SS18L1: variants seen among roughly 807,000 people sequenced by gnomAD.
SS18L1 encodes calcium-responsive transactivator.
Under a neutral mutation model 70.3 loss-of-function variants are expected in SS18L1, and 32 were observed. The observed-to-expected ratio is 0.46, with a 90% CI of 0.34 to 0.61. The LOEUF is 0.61. Ranked by LOEUF, SS18L1 falls within the 20% of genes least tolerant of loss-of-function variation. The pLI is 0.01. For synonymous variants in SS18L1, 237 were observed against 229.7 expected (o/e 1.03, Z -0.29); for missense variants, 430 against 542.1 (o/e 0.79, Z 2.05).
intron 1 of SS18L1, among the ~76,000 whole-genome samples, chr20:62,154,939 GC>G: frequency 6.6e-6 from 1 of 152,110 alleles, no homozygotes; most frequent in South Asian, 2.1e-4. Flanking sequence ...TTCATATCCC[GC>G]CCCTCTGTTG....
intron 6 of SS18L1, 116 bp downstream of exon 6, chr20:62,163,738 G>A (rs1375646370): frequency 7.3e-7 from 1 of 1,375,056 alleles, no homozygotes; most frequent in Non-Finnish European, 9.6e-7. Context: ...GAGCCTGGGG[G>A]AGTGAGGCTT....
At chr20:62,163,378 G>A (rs999628709) in intron 5 of SS18L1, 80 bp from the exon 6 acceptor site, 17 of 1,590,644 alleles carry the variant, frequency 1.1e-5, no homozygotes, top group Middle Eastern at 2.2e-4. Context: ...GAACCCGCCC[G>A]GGCGCAGGAG....
At position 62,179,264 on chromosome 20, in the gene SS18L1, T is replaced by G; in HGVS notation, c.*56T>G. Reference sequence around the variant, plus strand: ...GTAGCGTGTTCATCCAGGGGCCGGATGGGCTGGCGGCAGCTCTGGTGAATT... The same window carrying G: ...GTAGCGTGTTCATCCAGGGGCCGGAGGGGCTGGCGGCAGCTCTGGTGAATT... On this transcript the variant is annotated 3_prime_UTR_variant, in exon 11 of 11. Transcript: ENST00000331758. 6.2e-7 allele frequency: 1 copy of G among 1,605,224 alleles called. No homozygotes were observed. Among genetic ancestry groups the G allele is most frequent in the Non-Finnish European group, 8.5e-7 (1 of 1,172,042 alleles).
chr20:62,165,301 T>A, intron 7 of SS18L1, 121 bp from the exon 8 acceptor site: 1 of 934,020 alleles, frequency 1.1e-6, no homozygotes, highest in Non-Finnish European at 1.6e-6. Context: ...ACACGGGTCC[T>A]GCCGGCTCTT....
rs762643826 is a variant in SS18L1, at chr20:62,163,580, A to T, written c.679A>T (p.Met227Leu). Residue 227 changes from methionine (M) to leucine (L), a missense_variant, in exon 6 of 11, where the codon ATG becomes TTG. Physicochemically the swap from Met to Leu is conservative, Grantham distance 15. Transcript: ENST00000331758. ...GCAGGGCAGCCAGGGGAGCAGCATGATGGGGCAGCGGCCCATGGCGCCCTA... is the reference window on the plus strand; with the variant it reads ...GCAGGGCAGCCAGGGGAGCAGCATGTTGGGGCAGCGGCCCATGGCGCCCTA... Reference protein sequence around the residue: ...MGQGSQGSSMMGQRPMAPYRP... With the variant: ...MGQGSQGSSMLGQRPMAPYRP... 1 of 1,608,108 alleles carries T rather than the reference A, an allele frequency of 6.2e-7. No homozygotes were observed. Among genetic ancestry groups the T allele is most frequent in the African/African-American group, 1.3e-5 (1 of 74,856 alleles).
At chr20:62,160,036 A>G in intron 3 of SS18L1, 75 bp downstream of exon 3, 1 of 1,430,360 alleles carries the variant, frequency 7.0e-7, no homozygotes. Context: ...AATTGTGGGC[A>G]TGTCATCTCA....
intron 10 of SS18L1, chr20:62,175,032 C>CCAGACTGTG (rs1237923696): frequency 1.3e-6 from 1 of 754,954 alleles, no homozygotes; most frequent in Non-Finnish European, 1.6e-6. Context: ...TCCCACAGGG[C>CCAGACTGTG]CAGACTGTGC....
chr20:62,171,326 G>A (rs1047430214), intron 8 of SS18L1, among the ~76,000 whole-genome samples: 1 of 152,168 alleles, frequency 6.6e-6, no homozygotes, highest in Non-Finnish European at 1.5e-5. Flanking sequence ...TGGCTTTCAT[G>A]GGGGCAGGAG....
chr20:62,157,352 G>A (rs2057242404), intron 1 of SS18L1, among the ~76,000 whole-genome samples: 1 of 152,222 alleles, frequency 6.6e-6, no homozygotes, highest in Admixed American at 6.5e-5. Context: ...ACGTTCAGGA[G>A]GCGCTTTGGG....
At chr20:62,147,897 G>A (rs953005637) in intron 1 of SS18L1, among the ~76,000 whole-genome samples, 3 of 152,190 alleles carry the variant, frequency 2.0e-5, no homozygotes, top group African/African-American at 4.8e-5. Context: ...GATGGGCTGC[G>A]GAGGATGGGG....
At chr20:62,179,104 T>C (rs1345380605) in intron 10 of SS18L1, 78 bp from the exon 11 acceptor site, 4 of 1,525,534 alleles carry the variant, frequency 2.6e-6, no homozygotes. Context: ...TCCTACCCCC[T>C]GTCCGGGCTG....
chr20:62,161,316 A>AC lies in SS18L1; in HGVS notation c.232-118dup. The AC allele has an allele frequency of 1.4e-6, 2 of 1,399,794 alleles. No homozygotes were observed. The highest frequency in any genetic ancestry group is 3.6e-5 in the Admixed American group (2 of 56,190). The allele number at this position is 1,399,794 out of a possible 1,614,324, so 86.7% of individuals were successfully genotyped here. A position where few individuals can be genotyped will look rare whatever the true frequency, so the allele number is the denominator to read the frequency against. On this transcript the variant is annotated intron_variant, in intron 3 of 10. Coordinates refer to ENST00000331758, the MANE Select transcript of SS18L1 (RefSeq NM_198935.3). The surrounding 1 kb of genome is among the most constrained non-coding windows in gnomAD (Gnocchi z 4.4). ...CGATGGCTGCTGATTACGAACATTG[A>AC]CCAGGTGGCCATGATGTGTGGCGGC...
Position 62,159,198 on chromosome 20 carries a change from C to T in SS18L1, c.146+450C>T, listed in dbSNP as rs760702666. 6.6e-6 allele frequency among the ~76,000 whole-genome samples: 1 copy of T among 152,190 alleles called. No homozygotes were observed. Among genetic ancestry groups the T allele is most frequent in the African/African-American group, 2.4e-5 (1 of 41,434 alleles). On this transcript the variant is annotated intron_variant, in intron 2 of 10. Coordinates refer to ENST00000331758, the MANE Select transcript of SS18L1 (RefSeq NM_198935.3). This position sits in a 1 kb window ranked among gnomAD's most constrained non-coding sequence, Gnocchi z 4.4. ...AGCTCTGTGGCCAACAGCCAGCGCA[C>T]CAGGAGACAGCACCTACTCCAGGTG...
rs1447592575 is a variant in SS18L1, at chr20:62,174,476, G to A, written c.1037-41G>A. 1.9e-6 allele frequency: 3 copies of A among 1,559,430 alleles called. No individual in the cohort carries two copies. Among genetic ancestry groups the A allele is most frequent in the East Asian group, 2.3e-5 (1 of 44,138 alleles). On this transcript the variant is annotated intron_variant, in intron 9 of 10. Coordinates refer to ENST00000331758, the MANE Select transcript of SS18L1 (RefSeq NM_198935.3). This position sits in a 1 kb window ranked among gnomAD's most constrained non-coding sequence, Gnocchi z 4.1. ...AGTTAAGAAAAAAAAAGAAAGAGGT[G>A]TCCGTTTTGGCCGGCCTCACGGTTC... is the stretch of plus-strand genomic sequence containing the variant.
chr20:62,153,112 C>G (rs980836128), intron 1 of SS18L1, among the ~76,000 whole-genome samples: 11 of 152,156 alleles, frequency 7.2e-5, no homozygotes, highest in Admixed American at 7.2e-4. Context: ...AGCAAGGCAC[C>G]TTCTTCACAA....
rs1208590528 is a variant in SS18L1 at position 62,161,438 on chromosome 20, G to T, written c.234G>T (p.Pro78=). The change falls in exon 4 of 11, where the codon CCG becomes CCT. Residue 78 remains proline, a splice_region_variant and synonymous_variant. Transcript: ENST00000331758. The surrounding 1 kb of genome is among the most constrained non-coding windows in gnomAD (Gnocchi z 4.4). ...NQNMQSLLPA[P]PTQNMNLGPG... is the part of the protein sequence containing the mutation. ...TGAAAACTTCCTGTTGCCTGCAGCC[G>T]CCCACGCAGAACATGAACCTGGGCC... is the stretch of plus-strand genomic sequence containing the variant. 4 of 1,612,614 alleles carry T rather than the reference G, an allele frequency of 2.5e-6. No individual in the cohort carries two copies. The African/African-American group carries it at 5.3e-5, about 22-fold the overall frequency.
In SS18L1 at chr20:62,161,393, G is replaced by C; in HGVS notation, c.232-43G>C. 1 of 1,612,216 alleles carries C rather than the reference G, an allele frequency of 6.2e-7. No homozygotes were observed. Among genetic ancestry groups the C allele is most frequent in the Non-Finnish European group, 8.5e-7 (1 of 1,179,828 alleles). On this transcript the variant is annotated intron_variant, in intron 3 of 10. Transcript: ENST00000331758. The surrounding 1 kb of genome is among the most constrained non-coding windows in gnomAD (Gnocchi z 4.4). ...GCCTGGCTTGTGGAGGTCGCTCTCC[G>C]TAAATTAACCGTTTTTCCCTGAAAA... is the stretch of plus-strand genomic sequence containing the variant.
rs113441351 is a variant in SS18L1 at position 62,174,289 on chromosome 20, C to A, written c.1037-228C>A. 6.6e-6 allele frequency among the ~76,000 whole-genome samples: 1 copy of A among 152,030 alleles called. No homozygotes were observed. Among genetic ancestry groups the A allele is most frequent in the Admixed American group, 6.6e-5 (1 of 15,262 alleles). ...CCTGGGGCACAGTCCTGGGACCTCA[C>A]AGGACTGGAGGGGCTGGTGAGTCGG... On this transcript the variant is annotated intron_variant, in intron 9 of 10. Transcript: ENST00000331758. This position sits in a 1 kb window ranked among gnomAD's most constrained non-coding sequence, Gnocchi z 4.1.
At chr20:62,163,063 CGG>C in intron 5 of SS18L1, 132 bp downstream of exon 5, 1 of 1,227,376 alleles carries the variant, frequency 8.1e-7, no homozygotes, top group Non-Finnish European at 1.1e-6. Flanking sequence ...GCCCGTGAAT[CGG>C]GGCTGGCCGC....
Sources: gnomAD v4.1 joint callset for allele counts (sites outside exome capture counted in the v4.1 genomes callset) on GRCh38, gnomAD v4.1.1 for gene constraint, Gnocchi (gnomAD v3.1) non-coding constraint, MANE v1.5 for transcripts, NCBI Gene and HGNC (gene_info 2026-07-23, HGNC 2026-07-21) for gene names.